The following RFX3 variants were observed in gnomAD, a reference collection of about 807,000 sequenced individuals.
RFX3 encodes transcription factor RFX3.
Under a neutral mutation model 98.6 loss-of-function variants are expected in RFX3, and 14 were observed. The ratio of observed to expected loss-of-function variants is 0.14; its 90% confidence interval spans 0.09 to 0.22. The LOEUF is 0.22. Ranked by LOEUF, RFX3 falls within the 10% of genes least tolerant of loss-of-function variation. The probability of loss-of-function intolerance (pLI) is 1.00; values close to 1 mark genes in which losing one functional copy is unlikely to be tolerated. For missense variants in RFX3, 639 were observed against 926.9 expected, an observed-to-expected ratio of 0.69 and a Z score of 4.03; for synonymous variants, 383 against 328.4, an observed-to-expected ratio of 1.17 and a Z score of -1.80.
At chr9:3,403,119 T>C (rs887782805) in intron 1 of RFX3, among the ~76,000 whole-genome samples, 1 of 152,056 alleles carries the variant, frequency 6.6e-6, no homozygotes, top group Non-Finnish European at 1.5e-5. Flanking sequence ...AAAAAATATA[T>C]TGAGCTGATT....
intron 1 of RFX3, among the ~76,000 whole-genome samples, chr9:3,403,741 A>G (rs1158578943): frequency 6.6e-6 from 1 of 152,214 alleles, no homozygotes; most frequent in Non-Finnish European, 1.5e-5. Flanking sequence ...AAAGACATAC[A>G]GGACAGGAGC....
chr9:3,238,183 A>G (rs760541867), intron 15 of RFX3, among the ~76,000 whole-genome samples: 7 of 152,180 alleles, frequency 4.6e-5, no homozygotes. Context: ...CCATTTAATA[A>G]TAAGGTCATA....
chr9:3,424,378 T>G (rs1455574006), intron 1 of RFX3, among the ~76,000 whole-genome samples: 2 of 117,470 alleles, frequency 1.7e-5, no homozygotes, highest in African/African-American at 4.1e-5. Flanking sequence ...TTTTTTTTTT[T>G]TGAGACGGAG....
At chr9:3,266,362 T>C (rs1243648027) in intron 11 of RFX3, 57 bp from the exon 12 acceptor site, 28 of 1,131,508 alleles carry the variant, frequency 2.5e-5, no homozygotes, top group Non-Finnish European at 3.3e-5. Flanking sequence ...TATTAATGTT[T>C]GTGCTAGAAT....
Position 3,293,060 on chromosome 9 carries a change from T to G in RFX3, c.731+17A>C. 1 of 1,586,506 alleles carries G rather than the reference T, an allele frequency of 6.3e-7. No individual in the cohort carries two copies. Among genetic ancestry groups the G allele is most frequent in the Non-Finnish European group, 8.6e-7 (1 of 1,165,184 alleles). On this transcript the variant is annotated intron_variant, in intron 6 of 16. Coordinates refer to ENST00000617270, the MANE Select transcript of RFX3 (RefSeq NM_001282116.2). ...AAAAAGAGAGATTAGTTTATGATCT[T>G]ATTTTTCAATACTAACCTAGTGCCC...
At chr9:3,347,456 G>T (rs1482880849) in intron 2 of RFX3, among the ~76,000 whole-genome samples, 1 of 151,980 alleles carries the variant, frequency 6.6e-6, no homozygotes, top group Non-Finnish European at 1.5e-5. Flanking sequence ...AAAAAATCCT[G>T]TAATAACCCT....
Position 3,219,564 on chromosome 9 carries a change from TG to T in RFX3, c.*5477del, listed in dbSNP as rs1817240050. 1.3e-5 allele frequency: 2 copies of T among 151,650 alleles called. No individual in the cohort carries two copies. The highest frequency in any genetic ancestry group is 4.8e-5 in the African/African-American group (2 of 41,274). The allele number at this position is 151,650 out of a possible 1,614,324, so 9.4% of individuals were successfully genotyped here. A position where few individuals can be genotyped will look rare whatever the true frequency, so the allele number is the denominator to read the frequency against. On this transcript the variant is annotated 3_prime_UTR_variant, in exon 17 of 17. Transcript: ENST00000617270. ...AAAACATATTATCAATTATTTCAAA[TG>T]AAAGGAAAAAAAAATCCTAGGCAGT...
chr9:3,308,529 A>C (rs1445969640), intron 4 of RFX3, among the ~76,000 whole-genome samples: 1 of 152,196 alleles, frequency 6.6e-6, no homozygotes, highest in Non-Finnish European at 1.5e-5. Context: ...TCAAGAGTCA[A>C]AGTTCACATA....
At chr9:3,488,645 CAATTACTAACT>C (rs896812386) in intron 1 of RFX3, 67 of 232,684 alleles carry the variant, frequency 2.9e-4, no homozygotes, top group African/African-American at 1.3e-3. Context: ...TACATAAATG[CAATTACTAACT>C]ATAAATAATG....
At chr9:3,483,792 C>A (rs553829519) in intron 1 of RFX3, among the ~76,000 whole-genome samples, 2 of 152,256 alleles carry the variant, frequency 1.3e-5, no homozygotes, top group Admixed American at 1.3e-4. Flanking sequence ...GGGTTTGAGT[C>A]TGATTTTATA....
At chr9:3,406,365 T>C (rs1841972807) in intron 1 of RFX3, among the ~76,000 whole-genome samples, 1 of 151,968 alleles carries the variant, frequency 6.6e-6, no homozygotes, top group African/African-American at 2.4e-5. Context: ...GGAGAAATCC[T>C]ACTTTCCCGT....
At chr9:3,236,651 G>T (rs2130793405) in intron 15 of RFX3, among the ~76,000 whole-genome samples, 1 of 152,292 alleles carries the variant, frequency 6.6e-6, no homozygotes, top group South Asian at 2.1e-4. Flanking sequence ...TGGCGGAAGT[G>T]ACCACAGGCA....
chr9:3,452,678 A>G (rs1438005116), intron 1 of RFX3, among the ~76,000 whole-genome samples: 1 of 152,218 alleles, frequency 6.6e-6, no homozygotes, highest in Admixed American at 6.5e-5. Flanking sequence ...CTGGTGTGGG[A>G]AAAAGACATA....
At chr9:3,508,287 A>G (rs909670000) in intron 1 of RFX3, among the ~76,000 whole-genome samples, 11 of 151,906 alleles carry the variant, frequency 7.2e-5, no homozygotes, top group Non-Finnish European at 1.5e-4. Flanking sequence ...TCAAATCCCA[A>G]TTTAAGGCTT....
At chr9:3,376,296 C>A (rs1436968701) in intron 2 of RFX3, among the ~76,000 whole-genome samples, 1 of 152,036 alleles carries the variant, frequency 6.6e-6, no homozygotes, top group African/African-American at 2.4e-5. Context: ...TACGGTTCAA[C>A]AAACAATTAA....
chr9:3,288,139 C>A lies in RFX3; in HGVS notation c.843G>T (p.Gln281His). The change falls in exon 7 of 17, where the codon CAG becomes CAT. Residue 281 changes from glutamine to histidine, a missense_variant. Transcript: ENST00000617270. Reference protein sequence around the residue: ...YMAMRQQPMQQKQRYKPMQKV... With the variant: ...YMAMRQQPMQHKQRYKPMQKV... The stretch of plus-strand genomic sequence containing the variant: ...ATAACTTCAGAGTCTACCTTTGTTT[C>A]TGTTGCATGGGTTGTTGTCTCATAG... The A allele has an allele frequency of 6.2e-7, 1 of 1,612,692 alleles. No homozygotes were observed. Among genetic ancestry groups the A allele is most frequent in the African/African-American group, 1.3e-5 (1 of 74,978 alleles).
intron 2 of RFX3, among the ~76,000 whole-genome samples, chr9:3,360,311 G>T (rs150774681): frequency 4.5e-4 from 68 of 151,868 alleles, no homozygotes; most frequent in African/African-American, 1.6e-3. Flanking sequence ...GAACTGAAAA[G>T]AGAAGAACAA....
At chr9:3,278,870 A>G (rs1224580750) in intron 7 of RFX3, among the ~76,000 whole-genome samples, 2 of 151,888 alleles carry the variant, frequency 1.3e-5, no homozygotes, top group Non-Finnish European at 2.9e-5. Context: ...CTTCATCCTC[A>G]TGAATATAAT....
intron 1 of RFX3, among the ~76,000 whole-genome samples, chr9:3,402,969 T>C (rs1841613318): frequency 6.6e-6 from 1 of 151,920 alleles, no homozygotes; most frequent in African/African-American, 2.4e-5. Context: ...CGATGTACAA[T>C]GATGGGGCAT....
Sources: allele counts gnomAD v4.1 joint callset (sites outside exome capture counted in the v4.1 genomes callset), GRCh38; gene constraint gnomAD v4.1.1; transcripts MANE v1.5; gene names NCBI Gene and HGNC (gene_info 2026-07-23, HGNC 2026-07-21).